Variants in NIM1K observed in about 807,000 individuals in gnomAD.
The protein encoded by NIM1K is serine/threonine-protein kinase NIM1.
NIM1K carries 35 observed loss-of-function variants against 37.1 expected under a neutral mutation model. The ratio of observed to expected loss-of-function variants is 0.94; its 90% CI spans 0.72 to 1.25. NIM1K has a LOEUF of 1.25. NIM1K is among the 50% of genes most tolerant of loss of function. The probability of loss-of-function intolerance (pLI) is 0.00; values close to 1 mark genes in which losing one functional copy is unlikely to be tolerated. For synonymous variants in NIM1K, 234 were observed against 206.6 expected, an observed-to-expected ratio of 1.13 and a Z score of -1.14; for missense variants, 564 against 548.0, an observed-to-expected ratio of 1.03 and a Z score of -0.29.
At chr5:43,265,300 G>A (rs1753124026) in intron 2 of NIM1K, among the ~76,000 whole-genome samples, 1 of 152,126 alleles carries the variant, frequency 6.6e-6, no homozygotes, top group Non-Finnish European at 1.5e-5. Flanking sequence ...ATATTTCTTG[G>A]AGGCTTTGTT....
intron 1 of NIM1K, among the ~76,000 whole-genome samples, chr5:43,198,193 TTC>T (rs776214059): frequency 3.5e-5 from 2 of 57,076 alleles, no homozygotes; most frequent in Non-Finnish European, 7.0e-5. Flanking sequence ...CTTTCTTTCT[TTC>T]TTTCTTTCTT....
intron 1 of NIM1K, among the ~76,000 whole-genome samples, chr5:43,224,416 G>T (rs1752424061): frequency 7.6e-6 from 1 of 132,188 alleles, no homozygotes; most frequent in African/African-American, 2.7e-5. Context: ...ACTCCAGCCT[G>T]GGCAACAAGA....
chr5:43,276,385 A>G (rs1054904075), intron 2 of NIM1K, among the ~76,000 whole-genome samples: 1 of 152,228 alleles, frequency 6.6e-6, no homozygotes, highest in African/African-American at 2.4e-5. Flanking sequence ...CATCACTTTT[A>G]AAGAACCAGA....
At chr5:43,275,869 C>T (rs1185305413) in intron 2 of NIM1K, among the ~76,000 whole-genome samples, 1 of 149,272 alleles carries the variant, frequency 6.7e-6, no homozygotes, top group African/African-American at 2.5e-5. Flanking sequence ...TCTCGCATTT[C>T]TATAAAGAAA....
intron 2 of NIM1K, among the ~76,000 whole-genome samples, chr5:43,275,530 G>A (rs1753324969): frequency 1.3e-5 from 2 of 152,224 alleles, no homozygotes; most frequent in Non-Finnish European, 2.9e-5. Flanking sequence ...CCCGCCAGCA[G>A]CACATTGCAG....
intron 3 of NIM1K, among the ~76,000 whole-genome samples, chr5:43,279,296 G>A (rs529464483): frequency 2.0e-5 from 3 of 152,296 alleles, no homozygotes; most frequent in Admixed American, 6.5e-5. Context: ...AGCTGGTATA[G>A]TTGAACCTAG....
intron 1 of NIM1K, among the ~76,000 whole-genome samples, chr5:43,223,511 A>G (rs976088331): frequency 1.2e-4 from 18 of 152,260 alleles, no homozygotes; most frequent in African/African-American, 4.3e-4. Flanking sequence ...TGGATATCTC[A>G]TTTTCCACAT....
chr5:43,218,523 G>A (rs1172447723), intron 1 of NIM1K, among the ~76,000 whole-genome samples: 4 of 152,032 alleles, frequency 2.6e-5, no homozygotes, highest in Admixed American at 2.6e-4. Context: ...GGTGGCACAT[G>A]GTGAGAGAGG....
intron 1 of NIM1K, among the ~76,000 whole-genome samples, chr5:43,234,415 G>T (rs1224137444): frequency 6.6e-6 from 1 of 152,036 alleles, no homozygotes; most frequent in African/African-American, 2.4e-5. Flanking sequence ...CACAAAAATG[G>T]TGTATAGAAC....
intron 2 of NIM1K, among the ~76,000 whole-genome samples, 174 bp downstream of exon 2, chr5:43,246,241 C>A (rs913327816): frequency 1.3e-5 from 2 of 152,176 alleles, no homozygotes; most frequent in Admixed American, 1.3e-4. Context: ...TTCACAGTAA[C>A]CATGTGAGGT....
intron 1 of NIM1K, among the ~76,000 whole-genome samples, chr5:43,213,525 G>A (rs1319855889): frequency 3.4e-5 from 5 of 149,186 alleles, no homozygotes; most frequent in East Asian, 2.0e-4. Flanking sequence ...ACGGAGTCTC[G>A]CTCTGTCACC....
At chr5:43,237,694 T>C (rs1480498349) in intron 1 of NIM1K, among the ~76,000 whole-genome samples, 1 of 152,178 alleles carries the variant, frequency 6.6e-6, no homozygotes, top group Non-Finnish European at 1.5e-5. Flanking sequence ...GGAAAATTTC[T>C]GGGAAAAAAT....
chr5:43,212,373 T>C (rs1355161062), intron 1 of NIM1K, among the ~76,000 whole-genome samples: 2 of 152,212 alleles, frequency 1.3e-5, no homozygotes, highest in African/African-American at 4.8e-5. Context: ...AGAGGCCCTC[T>C]ATCCTTTGAG....
At chr5:43,214,813 C>CA (rs369233525) in intron 1 of NIM1K, among the ~76,000 whole-genome samples, 30,623 of 70,966 alleles carry the variant, frequency 0.43, 5,159 homozygotes, top group Non-Finnish European at 0.48. Flanking sequence ...GACTCCGTCT[C>CA]AAAAAAAAAA....
chr5:43,267,225 A>G (rs777622073), intron 2 of NIM1K, among the ~76,000 whole-genome samples: 6 of 152,000 alleles, frequency 3.9e-5, no homozygotes, highest in African/African-American at 1.2e-4. Context: ...CATTTCTTCT[A>G]TGTTTTTTAG....
intron 1 of NIM1K, chr5:43,207,394 G>C: frequency 1.2e-6 from 1 of 854,652 alleles, no homozygotes; most frequent in East Asian, 2.5e-5. Context: ...TGCGAAAAAC[G>C]TGTGGCGATG....
At position 43,222,631 on chromosome 5, in the gene NIM1K, G is replaced by A. The variant is rs563503495; in HGVS notation, c.-694-22451G>A. Among the ~76,000 whole-genome samples the A allele has an allele frequency of 2.0e-5, 3 of 152,184 alleles. No homozygotes were observed. The East Asian group carries it at 5.8e-4, about 29-fold the overall frequency. ...TGCCTTTAGTCCCAGCTACTTGGGA[G>A]GCTGAGACTGAAGGATCACTTTAGC... On this transcript the variant is annotated intron_variant, in intron 1 of 3. Coordinates refer to ENST00000326035, the MANE Select transcript of NIM1K (RefSeq NM_153361.4).
At chr5:43,206,581 G>A (rs1752115788) in intron 1 of NIM1K, 1 of 557,590 alleles carries the variant, frequency 1.8e-6, no homozygotes. Flanking sequence ...CTTGAAGGCT[G>A]AATAAGAAAC....
intron 1 of NIM1K, among the ~76,000 whole-genome samples, chr5:43,198,213 CTTTCTTTCTTTCTT>C (rs1751958940): frequency 1.2e-5 from 1 of 83,468 alleles, no homozygotes. Context: ...CTTTCTCTTT[CTTTCTTTCTTTCTT>C]TCTTTCTTTC....
Sources: gnomAD v4.1 joint callset for allele counts (sites outside exome capture counted in the v4.1 genomes callset) on GRCh38, gnomAD v4.1.1 for gene constraint, MANE v1.5 for transcripts, NCBI Gene and HGNC (gene_info 2026-07-23, HGNC 2026-07-21) for gene names.